The following ADRA1A variants were observed in gnomAD, a reference collection of about 807,000 sequenced individuals.
ADRA1A encodes the protein adrenoceptor alpha 1A.
A neutral mutation model predicts 29.6 loss-of-function variants in ADRA1A; 31 were observed. The observed-to-expected ratio is 1.05, with a 90% CI of 0.79 to 1.41. The LOEUF (loss-of-function observed/expected upper bound fraction) is 1.41, where lower values mean the gene tolerates loss of function less well. Among genes scored for constraint, ADRA1A ranks in the 40% most tolerant of loss-of-function variants. The pLI is 0.00. For missense variants in ADRA1A, 619 were observed against 601.1 expected (o/e 1.03, Z -0.31); for synonymous variants, 311 against 254.3 (o/e 1.22, Z -2.12).
chr8:26,758,076 A>AT (rs1805296059), intron 2 of ADRA1A, among the ~76,000 whole-genome samples: 1 of 152,170 alleles, frequency 6.6e-6, no homozygotes, highest in African/African-American at 2.4e-5. Context: ...AGTTTGCCTG[A>AT]TTTTTAAAAG....
downstream of ADRA1A, among the ~76,000 whole-genome samples, chr8:26,767,388 A>T (rs1433240022): frequency 3.9e-5 from 6 of 152,206 alleles, no homozygotes; most frequent in Non-Finnish European, 7.3e-5. Flanking sequence ...AGGGGGAATG[A>T]GCGAAAAGTA....
rs566803231 is a variant in ADRA1A at position 26,804,102 on chromosome 8, T to C, written c.884-33436A>G. On this transcript the variant is annotated intron_variant, in intron 2 of 2. Coordinates refer to ENST00000380573, the MANE Select transcript of ADRA1A (RefSeq NM_000680.4). ...ACACTTGGTTAATTTTTAAATTTTT[T>C]TTAGAGTCGGGGTCTTGCTATGTTG... Among the ~76,000 whole-genome samples, 5 of 152,072 alleles carry C rather than the reference T, an allele frequency of 3.3e-5. No individual in the cohort carries two copies. The East Asian group carries it at 7.8e-4, about 24-fold the overall frequency.
At position 26,825,719 on chromosome 8, in the gene ADRA1A, G is replaced by A. The variant is rs529640793; in HGVS notation, c.883+38368C>T. 5.9e-5 allele frequency among the ~76,000 whole-genome samples: 9 copies of A among 152,334 alleles called. No homozygotes were observed. Among genetic ancestry groups the A allele is most frequent in the East Asian group, 3.9e-4 (2 of 5,192 alleles). ...AATGATATATGAATTGCACATGCAC[G>A]CTAATTTATACTCTCCCTCCTGATT... On this transcript the variant is annotated intron_variant, in intron 2 of 2. Coordinates refer to ENST00000380573, the MANE Select transcript of ADRA1A (RefSeq NM_000680.4). The surrounding 1 kb of genome is among the most constrained non-coding windows in gnomAD (Gnocchi z 5.7).
At chr8:26,838,604 C>T (rs1811565016) in intron 2 of ADRA1A, among the ~76,000 whole-genome samples, 1 of 152,200 alleles carries the variant, frequency 6.6e-6, no homozygotes, top group African/African-American at 2.4e-5. Context: ...ACCTAAGCCA[C>T]TTTCATCATT....
downstream of ADRA1A, chr8:26,766,134 T>C (rs765906061): frequency 6.2e-7 from 1 of 1,609,378 alleles, no homozygotes; most frequent in African/African-American, 1.3e-5. Flanking sequence ...GTGAAATATC[T>C]ACAATCCATT....
chr8:26,752,761 G>C (rs1299639284), downstream of ADRA1A, among the ~76,000 whole-genome samples: 1 of 152,186 alleles, frequency 6.6e-6, no homozygotes, highest in African/African-American at 2.4e-5. Flanking sequence ...TTTGTGGATA[G>C]TCAAAATGAC....
At chr8:26,786,035 T>C (rs1807349414) in intron 2 of ADRA1A, among the ~76,000 whole-genome samples, 1 of 152,080 alleles carries the variant, frequency 6.6e-6, no homozygotes, top group Non-Finnish European at 1.5e-5. Flanking sequence ...TAGGATGACC[T>C]TTATGGAATA....
chr8:26,786,759 C>T (rs1807427013), intron 2 of ADRA1A, among the ~76,000 whole-genome samples: 1 of 151,598 alleles, frequency 6.6e-6, no homozygotes, highest in Admixed American at 6.6e-5. Flanking sequence ...GGGGGGGTCT[C>T]TCATTAAATG....
intron 2 of ADRA1A, among the ~76,000 whole-genome samples, chr8:26,774,578 A>G (rs1806406290): frequency 6.6e-6 from 1 of 151,440 alleles, no homozygotes; most frequent in Non-Finnish European, 1.5e-5. Context: ...CTGAGGTAGG[A>G]GGATTGCTTG....
At chr8:26,842,866 T>C (rs911368433) in intron 2 of ADRA1A, among the ~76,000 whole-genome samples, 3 of 142,648 alleles carry the variant, frequency 2.1e-5, no homozygotes, top group Admixed American at 7.1e-5. Flanking sequence ...TCTCTCTTTC[T>C]ACACACACAC....
intron 2 of ADRA1A, among the ~76,000 whole-genome samples, chr8:26,820,533 G>T (rs1354047351): frequency 1.3e-5 from 2 of 152,170 alleles, no homozygotes; most frequent in African/African-American, 4.8e-5. Flanking sequence ...TGGCTGGATA[G>T]TACAGCCATT....
rs927447419 is a variant in ADRA1A, at chr8:26,860,600, G to A, written c.883+3487C>T. Among the ~76,000 whole-genome samples the A allele has an allele frequency of 6.6e-6, 1 of 152,146 alleles. No homozygotes were observed. The highest frequency in any genetic ancestry group is 2.4e-5 in the African/African-American group (1 of 41,434). ...GATGAATCTTTCACACCTTCTCTGA[G>A]GCTAAAACTGCCATCGTTCCCCATT... On this transcript the variant is annotated intron_variant, in intron 2 of 2. Coordinates refer to ENST00000380573, the MANE Select transcript of ADRA1A (RefSeq NM_000680.4). The surrounding 1 kb of genome is among the most constrained non-coding windows in gnomAD (Gnocchi z 4.7).
chr8:26,822,999 G>C (rs1340422064), intron 2 of ADRA1A, among the ~76,000 whole-genome samples: 1 of 152,106 alleles, frequency 6.6e-6, no homozygotes, highest in Non-Finnish European at 1.5e-5. Flanking sequence ...CTCCCACCAG[G>C]CCCCACTTCC....
chr8:26,826,253 G>T (rs1232128586), intron 2 of ADRA1A, among the ~76,000 whole-genome samples: 3 of 152,216 alleles, frequency 2.0e-5, no homozygotes, highest in Non-Finnish European at 4.4e-5. Context: ...CCAGTGGATA[G>T]TTGGGTGTTT....
rs1045122629 is a variant in ADRA1A, at chr8:26,787,695, A to T, written c.884-17029T>A. Among the ~76,000 whole-genome samples, 1 of 152,030 alleles carries T rather than the reference A, an allele frequency of 6.6e-6. No homozygotes were observed. The highest frequency in any genetic ancestry group is 2.4e-5 in the African/African-American group (1 of 41,396). On this transcript the variant is annotated intron_variant, in intron 2 of 2. Coordinates refer to ENST00000380573, the MANE Select transcript of ADRA1A (RefSeq NM_000680.4). This position sits in a 1 kb window ranked among gnomAD's most constrained non-coding sequence, Gnocchi z 4.2. ...AGTTCTTAGTACTTGTTCCCCAGGG[A>T]GGAAATCCCGACAGCTCACTTGGTA...
In ADRA1A at chr8:26,831,996, T is replaced by A. The variant is rs182316136; in HGVS notation, c.883+32091A>T. Among the ~76,000 whole-genome samples, 17 of 152,286 alleles carry A rather than the reference T, an allele frequency of 1.1e-4. No individual in the cohort carries two copies. The highest frequency in any genetic ancestry group is 1.1e-3 in the Admixed American group (17 of 15,304). The stretch of plus-strand genomic sequence containing the variant: ...TGCTGGTCTCACCCCACATTTCTCA[T>A]CCATTTAGAGGAAGGAGCCATCTGA... On this transcript the variant is annotated intron_variant, in intron 2 of 2. Transcript: ENST00000380573. The surrounding 1 kb of genome is among the most constrained non-coding windows in gnomAD (Gnocchi z 5.2).
At chr8:26,770,916 C>T (rs142559789) in intron 2 of ADRA1A, among the ~76,000 whole-genome samples, 1 of 152,202 alleles carries the variant, frequency 6.6e-6, no homozygotes, top group Non-Finnish European at 1.5e-5. Context: ...TAGGGTTGCA[C>T]TGGCTCTCAG....
chr8:26,813,777 T>C (rs938654894), intron 2 of ADRA1A, among the ~76,000 whole-genome samples: 27 of 151,974 alleles, frequency 1.8e-4, no homozygotes, highest in Admixed American at 3.9e-4. Flanking sequence ...AGCTTTTTTT[T>C]CCAAACACTG....
intron 2 of ADRA1A, among the ~76,000 whole-genome samples, chr8:26,816,289 T>A (rs1809748553): frequency 6.6e-6 from 1 of 152,154 alleles, no homozygotes; most frequent in South Asian, 2.1e-4. Flanking sequence ...AAAAACCGTA[T>A]TCCATGAAGG....
Sources: gnomAD v4.1 joint callset for allele counts (sites outside exome capture counted in the v4.1 genomes callset) on GRCh38, gnomAD v4.1.1 for gene constraint, Gnocchi (gnomAD v3.1) non-coding constraint, MANE v1.5 for transcripts, NCBI Gene and HGNC (gene_info 2026-07-23, HGNC 2026-07-21) for gene names.